CPM: variants seen among roughly 807,000 people sequenced by gnomAD.
CPM encodes the protein renal carboxypeptidase.
In CPM, 35 loss-of-function variants were observed where a neutral mutation model predicts 46.4. The observed-to-expected ratio is 0.75, with a 90% CI of 0.58 to 1.00. CPM has a LOEUF of 1.00. CPM is among the 50% of genes least tolerant of loss of function. The probability of loss-of-function intolerance (pLI) is 0.00; values close to 1 mark genes in which losing one functional copy is unlikely to be tolerated. For missense variants in CPM, 422 were observed against 530.4 expected (o/e 0.80, Z 2.01); for synonymous variants, 195 against 195.3 (o/e 1.00, Z 0.01).
At chr12:68,850,538 C>G (rs1015743414), downstream of CPM, 2 of 152,144 alleles carry the variant, frequency 1.3e-5, no homozygotes, top group Non-Finnish European at 2.9e-5. Flanking sequence ...AGCTTGAGCC[C>G]ATCCTCTGTC....
rs1885631607 is a variant in CPM, at chr12:68,870,223, C to T, written c.608G>A (p.Gly203Asp). 1 of 1,613,502 alleles carries T rather than the reference C, an allele frequency of 6.2e-7. No individual in the cohort carries two copies. The highest frequency in any genetic ancestry group is 8.5e-7 in the Non-Finnish European group (1 of 1,179,796). The change falls in exon 5 of 9, where the codon GGT becomes GAT. Residue 203 changes from glycine to aspartate, a missense_variant. Gly to Asp is a moderately conservative substitution (Grantham distance 94). Transcript: ENST00000551568. ...ALVASYPFDN[G>D]VQATGALYSR... Reference sequence around the variant, plus strand: ...GACCCGCACCTGCTTACCTTGAACACCATTATCAAATGGGTAACTGGCCAC... The same window carrying T: ...GACCCGCACCTGCTTACCTTGAACATCATTATCAAATGGGTAACTGGCCAC...
At chr12:68,904,894 G>T (rs563878223) in intron 2 of CPM, among the ~76,000 whole-genome samples, 1 of 151,986 alleles carries the variant, frequency 6.6e-6, no homozygotes, top group African/African-American at 2.4e-5. Flanking sequence ...TTTAAACTGT[G>T]CATTAAAATA....
At chr12:68,857,254 G>A (rs1462730194) in intron 8 of CPM, among the ~76,000 whole-genome samples, 2 of 150,910 alleles carry the variant, frequency 1.3e-5, no homozygotes, top group African/African-American at 4.9e-5. Context: ...TCCGCCTCCC[G>A]GGTTCAAGCG....
intron 1 of CPM, among the ~76,000 whole-genome samples, chr12:68,961,697 T>C (rs1889114602): frequency 6.6e-6 from 1 of 150,708 alleles, no homozygotes; most frequent in Non-Finnish European, 1.5e-5. Context: ...GTGGATCACT[T>C]GAGGTCAGGA....
intron 1 of CPM, among the ~76,000 whole-genome samples, chr12:68,949,645 T>C (rs1888904486): frequency 6.6e-6 from 1 of 152,162 alleles, no homozygotes; most frequent in South Asian, 2.1e-4. Context: ...TGGCATTCAG[T>C]AAATGTTGCT....
At chr12:68,943,640 C>G (rs1400139437) in intron 1 of CPM, among the ~76,000 whole-genome samples, 1 of 152,084 alleles carries the variant, frequency 6.6e-6, no homozygotes. Context: ...TCCTACTATA[C>G]TTTGTTTATA....
At chr12:68,907,748 T>C (rs979568815) in intron 2 of CPM, among the ~76,000 whole-genome samples, 1 of 152,246 alleles carries the variant, frequency 6.6e-6, no homozygotes, top group African/African-American at 2.4e-5. Flanking sequence ...CATGCCTACA[T>C]GTAGTCATCC....
At chr12:68,934,474 G>A (rs1461573568), upstream of CPM, among the ~76,000 whole-genome samples, 2 of 152,182 alleles carry the variant, frequency 1.3e-5, no homozygotes, top group African/African-American at 4.8e-5. Flanking sequence ...TTCTGCCGCA[G>A]CATAGAAGAG....
chr12:68,946,971 A>G (rs142040671), intron 1 of CPM, among the ~76,000 whole-genome samples: 3 of 152,330 alleles, frequency 2.0e-5, no homozygotes, highest in Non-Finnish European at 4.4e-5. Context: ...TAAAAAGATT[A>G]TTTTGGTCTT....
chr12:68,845,323 A>C (rs1286373081), intron 5 of CPM: 1 of 212,634 alleles, frequency 4.7e-6, no homozygotes, highest in African/African-American at 2.3e-5. Flanking sequence ...TTTACAAATA[A>C]TACTTTGAGG....
intron 1 of CPM, among the ~76,000 whole-genome samples, chr12:68,943,281 G>GA (rs1275354890): frequency 6.6e-6 from 1 of 152,146 alleles, no homozygotes; most frequent in African/African-American, 2.4e-5. Flanking sequence ...GAGGATTATA[G>GA]TGACCTTACA....
chr12:68,961,974 G>A (rs1889123034), intron 1 of CPM, among the ~76,000 whole-genome samples: 1 of 152,142 alleles, frequency 6.6e-6, no homozygotes, highest in African/African-American at 2.4e-5. Flanking sequence ...GCCAAGGCGG[G>A]CGGATCACGA....
chr12:68,847,210 A>ATATATATATATATG (rs1565756805), downstream of CPM: 1 of 135,114 alleles, frequency 7.4e-6, no homozygotes, highest in African/African-American at 3.1e-5. Flanking sequence ...ATATATATAT[A>ATATATATATATATG]TACTTTTTTT....
At chr12:68,896,084 C>T (rs980900690) in intron 2 of CPM, among the ~76,000 whole-genome samples, 2 of 152,156 alleles carry the variant, frequency 1.3e-5, no homozygotes, top group African/African-American at 4.8e-5. Flanking sequence ...TACACCAGGC[C>T]CTAGCCATTC....
intron 1 of CPM, among the ~76,000 whole-genome samples, chr12:68,946,576 A>G (rs1051911275): frequency 8.5e-5 from 13 of 152,224 alleles, no homozygotes. Context: ...ACCTTGTAAA[A>G]ACAAGGTGGC....
At chr12:68,866,495 C>T (rs1391169531) in intron 7 of CPM, among the ~76,000 whole-genome samples, 2 of 152,270 alleles carry the variant, frequency 1.3e-5, no homozygotes, top group African/African-American at 2.4e-5. Context: ...AGGCGTGTGC[C>T]ACCACGCCTG....
chr12:68,932,939 C>G, intron 1 of CPM, 99 bp from the exon 2 acceptor site: 2 of 1,089,922 alleles, frequency 1.8e-6, no homozygotes, highest in Non-Finnish European at 2.7e-6. Context: ...GGTCTCCCGA[C>G]ACTGACGCTC....
intron 3 of CPM, among the ~76,000 whole-genome samples, chr12:68,872,401 T>C (rs1471687737): frequency 1.3e-5 from 2 of 151,980 alleles, no homozygotes; most frequent in Non-Finnish European, 2.9e-5. Flanking sequence ...TACAGGCGTG[T>C]GCCACCACGC....
At chr12:68,861,633 A>G (rs1405821536) in intron 7 of CPM, among the ~76,000 whole-genome samples, 1 of 151,672 alleles carries the variant, frequency 6.6e-6, no homozygotes, top group African/African-American at 2.4e-5. Context: ...GGGTTCAAGC[A>G]ATCTCCTGCC....
Sources: gnomAD v4.1 joint callset for allele counts (sites outside exome capture counted in the v4.1 genomes callset) on GRCh38, gnomAD v4.1.1 for gene constraint, MANE v1.5 for transcripts, NCBI Gene and HGNC (gene_info 2026-07-23, HGNC 2026-07-21) for gene names.